ANKRD35: variants seen among roughly 807,000 people sequenced by gnomAD.
The protein encoded by ANKRD35 is ankyrin repeat domain-containing protein 35.
In ANKRD35, 102 loss-of-function variants were observed where a neutral mutation model predicts 109.9. The ratio of observed to expected loss-of-function variants is 0.93; its 90% CI spans 0.79 to 1.09. The LOEUF is 1.09. Among genes scored for constraint, ANKRD35 ranks in the 50% least tolerant of loss-of-function variants. The probability of loss-of-function intolerance (pLI) is 0.00; values close to 1 mark genes in which losing one functional copy is unlikely to be tolerated. For missense variants in ANKRD35, 1,240 were observed against 1,230.1 expected (o/e 1.01, Z -0.12); for synonymous variants, 515 against 512.4 (o/e 1.01, Z -0.07).
chr1:145,868,184 C>T, intron 11 of ANKRD35, 127 bp downstream of exon 11: 1 of 1,460,208 alleles, frequency 6.8e-7, no homozygotes, highest in Non-Finnish European at 9.6e-7. Context: ...TCCTGGACCA[C>T]TGCCTAGCCA....
intron 1 of ANKRD35, among the ~76,000 whole-genome samples, chr1:145,884,435 C>A (rs1283149154): frequency 6.6e-6 from 1 of 152,194 alleles, no homozygotes; most frequent in Non-Finnish European, 1.5e-5. Flanking sequence ...TTGAACATTT[C>A]TGATATTTTC....
At position 145,872,205 on chromosome 1, in the gene ANKRD35, GC is replaced by G; in HGVS notation, c.2563del (p.Ala855LeufsTer58). On this transcript the variant is annotated frameshift_variant, in exon 10 of 14. Coordinates refer to ENST00000355594, the MANE Select transcript of ANKRD35 (RefSeq NM_144698.5). LOFTEE classifies it high-confidence loss of function. ...QAQAWGQELKALLEKYNTACR... is the reference protein window; with the variant it reads ...QAQAWGQELKXLLEKYNTACR... ...GGCCGTATTATACTTTTCCAACAGAGCCTTTAGCTCCTGGCCCCAAGCCTGA... is the reference window on the plus strand; with the variant it reads ...GGCCGTATTATACTTTTCCAACAGAGCTTTAGCTCCTGGCCCCAAGCCTGA... 1.2e-6 allele frequency: 2 copies of G among 1,609,464 alleles called. No homozygotes were observed. Among genetic ancestry groups the G allele is most frequent in the Middle Eastern group, 3.3e-4 (2 of 5,984 alleles).
At chr1:145,871,153 CTTTTTTTT>C (rs59433424) in intron 10 of ANKRD35, among the ~76,000 whole-genome samples, 12 of 78,094 alleles carry the variant, frequency 1.5e-4, no homozygotes, top group South Asian at 4.0e-4. Flanking sequence ...TTTCTTTTTT[CTTTTTTTT>C]TTTTTTTTTT....
In ANKRD35 at chr1:145,868,078, A is replaced by C. The variant is rs45624331; in HGVS notation, c.2878-22T>G. The stretch of plus-strand genomic sequence containing the variant: ...AATCCTGGGAATGAACATCAATGGG[A>C]AGTCACATGTCCACCCTCAGTCACC... On this transcript the variant is annotated intron_variant, in intron 11 of 13. Transcript: ENST00000355594. The C allele has an allele frequency of 0.039, 62,851 of 1,611,564 alleles. 1,445 individuals are homozygous for C. Among genetic ancestry groups the C allele is most frequent in the Non-Finnish European group, 0.046 (54,605 of 1,177,862 alleles).
intron 10 of ANKRD35, 151 bp from the exon 11 acceptor site, chr1:145,868,551 G>A (rs1819347): frequency 0.46 from 297,169 of 647,624 alleles, 71,605 homozygotes; most frequent in East Asian, 0.73. Context: ...TCTTCTGTGT[G>A]GTGTTCACTA....
chr1:145,867,040 A>G (rs1262835621), intron 13 of ANKRD35, among the ~76,000 whole-genome samples: 1 of 151,864 alleles, frequency 6.6e-6, no homozygotes, highest in Non-Finnish European at 1.5e-5. Flanking sequence ...CCTACCCCAG[A>G]CCCAACCCCT....
chr1:145,880,307 G>A (rs986334381), intron 1 of ANKRD35, among the ~76,000 whole-genome samples: 14 of 152,184 alleles, frequency 9.2e-5, no homozygotes, highest in African/African-American at 2.9e-4. Context: ...TCCAGAGAAG[G>A]GAATGAAAAG....
rs1559172701 is a variant in ANKRD35, at chr1:145,872,412, A to G, written c.2357T>C (p.Leu786Pro). ...CCGCAGCTCTTCCTCCAGCTTCCCC[A>G]GGTCTTGCTCCAGAGCGGCCACTTG... ...SPQVAALEQDLGKLEEELRAV... is the reference protein window; with the variant it reads ...SPQVAALEQDPGKLEEELRAV... The change falls in exon 10 of 14, where the codon CTG becomes CCG. Residue 786 changes from leucine to proline, a missense_variant. Coordinates refer to ENST00000355594, the MANE Select transcript of ANKRD35 (RefSeq NM_144698.5). 3.1e-6 allele frequency: 5 copies of G among 1,613,062 alleles called. No individual in the cohort carries two copies. The highest frequency in any genetic ancestry group is 2.5e-6 in the Non-Finnish European group (3 of 1,179,804).
Position 145,873,843 on chromosome 1 carries a change from A to G in ANKRD35, c.926T>C (p.Val309Ala), listed in dbSNP as rs1443748624. The stretch of plus-strand genomic sequence containing the variant: ...CACCAGCTCCTGCTCCAGCCGAACA[A>G]CTTTCCTCCGCTCCTCTTCATACTT... ...RWKYEEERRK[V>A]VRLEQELVQK... Residue 309 changes from valine to alanine, a missense_variant, in exon 10 of 14, where the codon GTT becomes GCT. Physicochemically the swap from Val to Ala is moderately conservative, Grantham distance 64. Transcript: ENST00000355594. 1.2e-6 allele frequency: 2 copies of G among 1,612,362 alleles called. No homozygotes were observed. Among genetic ancestry groups the G allele is most frequent in the Non-Finnish European group, 1.7e-6 (2 of 1,179,160 alleles).
chr1:145,878,077 A>G (rs1553740464), intron 3 of ANKRD35, 45 bp from the exon 4 acceptor site: 5 of 1,549,116 alleles, frequency 3.2e-6, no homozygotes, highest in Non-Finnish European at 4.5e-6. Flanking sequence ...GGCCCCATGC[A>G]TGCTGATGAC....
At chr1:145,880,326 A>G (rs1214033952) in intron 1 of ANKRD35, among the ~76,000 whole-genome samples, 1 of 152,250 alleles carries the variant, frequency 6.6e-6, no homozygotes, top group East Asian at 1.9e-4. Context: ...AGGAAGAGAC[A>G]GATGCAAAGA....
chr1:145,868,242 C>T (rs1438431211), intron 11 of ANKRD35, 69 bp downstream of exon 11: 1 of 1,538,588 alleles, frequency 6.5e-7, no homozygotes, highest in African/African-American at 1.4e-5. Flanking sequence ...CCTAGAATGT[C>T]TCCCACATAT....
chr1:145,882,510 C>CA (rs1262337440), intron 1 of ANKRD35, among the ~76,000 whole-genome samples: 4 of 149,510 alleles, frequency 2.7e-5, no homozygotes, highest in Non-Finnish European at 3.0e-5. Context: ...AGGCTGGTCT[C>CA]AAAAACTCCT....
At chr1:145,882,906 G>A (rs1654344172) in intron 1 of ANKRD35, among the ~76,000 whole-genome samples, 1 of 152,032 alleles carries the variant, frequency 6.6e-6, no homozygotes, top group South Asian at 2.1e-4. Flanking sequence ...AGAAGTAATT[G>A]TACCTTCTCC....
chr1:145,876,750 C>T, intron 5 of ANKRD35, 66 bp downstream of exon 5: 1 of 1,611,814 alleles, frequency 6.2e-7, no homozygotes, highest in Non-Finnish European at 8.5e-7. Context: ...CCCTTCCCTC[C>T]TCACGCCTCC....
In ANKRD35 at chr1:145,872,912, T is replaced by G. The variant is rs1553739151; in HGVS notation, c.1857A>C (p.Val619=). The change falls in exon 10 of 14, where the codon GTA becomes GTC. Residue 619 remains valine, a synonymous_variant. Transcript: ENST00000355594. ...AKGQLEKEMS[V]LRLSNSNLLE... ...GCAAGTTACTGTTGCTCAGTCTCAG[T>G]ACTGACATCTCCTTCTCCAGCTGTC... 1 of 1,613,686 alleles carries G rather than the reference T, an allele frequency of 6.2e-7. No homozygotes were observed. The highest frequency in any genetic ancestry group is 1.1e-5 in the South Asian group (1 of 91,066).
chr1:145,879,206 G>GA (rs1654197172), intron 2 of ANKRD35, 52 bp downstream of exon 2: 1 of 1,508,012 alleles, frequency 6.6e-7, no homozygotes, highest in Non-Finnish European at 8.9e-7. Context: ...TGGATTTGGG[G>GA]GCTTCAAAAG....
chr1:145,872,072 C>T lies in ANKRD35; in HGVS notation c.2697G>A (p.Arg899=). 6.2e-7 allele frequency: 1 copy of T among 1,613,616 alleles called. No homozygotes were observed. Among genetic ancestry groups the T allele is most frequent in the Non-Finnish European group, 8.5e-7 (1 of 1,179,874 alleles). The stretch of plus-strand genomic sequence containing the variant: ...TTTTCTCAAACTGCTCGGAGCGCCC[C>T]CGCATCTCGCTGGCCTGGCGCTCTT... ...AEQERQASEM[R]GRSEQFEKTA... is the part of the protein sequence containing the mutation. Residue 899 remains arginine, a synonymous_variant, in exon 10 of 14, where the codon CGG becomes CGA. Coordinates refer to ENST00000355594, the MANE Select transcript of ANKRD35 (RefSeq NM_144698.5).
At chr1:145,868,534 C>T in intron 10 of ANKRD35, 134 bp from the exon 11 acceptor site, 11 of 712,234 alleles carry the variant, frequency 1.5e-5, no homozygotes, top group East Asian at 2.7e-5. Flanking sequence ...ACACTCAAAA[C>T]AGCTTTTCTT....
Sources: allele counts gnomAD v4.1 joint callset (sites outside exome capture counted in the v4.1 genomes callset), GRCh38; gene constraint gnomAD v4.1.1; transcripts MANE v1.5; gene names NCBI Gene and HGNC (gene_info 2026-07-23, HGNC 2026-07-21).